Variants in IWS1 observed in about 807,000 individuals in gnomAD.
The protein encoded by IWS1 is interacts with SUPT6H, CTD assembly factor 1, also known as protein IWS1 homolog.
IWS1 carries 27 observed loss-of-function variants against 86.7 expected under a neutral mutation model. That is an observed-to-expected ratio of 0.31 (90% CI 0.23 to 0.43). The LOEUF is 0.43. Ranked by LOEUF, IWS1 falls within the 20% of genes least tolerant of loss-of-function variation. The pLI is 1.00. For missense variants in IWS1, 827 were observed against 1,000.8 expected (o/e 0.83, Z 2.34); for synonymous variants, 313 against 335.1 (o/e 0.93, Z 0.72).
intron 4 of IWS1, 114 bp downstream of exon 4, chr2:127,503,273 A>G: frequency 1.3e-6 from 1 of 746,950 alleles, no homozygotes; most frequent in Non-Finnish European, 2.2e-6. Context: ...CAGGAACTAA[A>G]ATACTAAATC....
intron 2 of IWS1, among the ~76,000 whole-genome samples, chr2:127,513,536 A>C (rs1344683725): frequency 6.6e-6 from 1 of 152,188 alleles, no homozygotes; most frequent in Non-Finnish European, 1.5e-5. Flanking sequence ...ATTTTTTAGT[A>C]AGGGAATATA....
At chr2:127,494,336 T>C (rs988162459) in intron 8 of IWS1, 1 of 149,844 alleles carries the variant, frequency 6.7e-6, no homozygotes, top group Non-Finnish European at 1.5e-5. Flanking sequence ...GAAGGATCAA[T>C]AATTGTGACA....
chr2:127,481,315 G>A (rs982990653), intron 13 of IWS1, 140 bp from the exon 14 acceptor site: 1 of 661,356 alleles, frequency 1.5e-6, no homozygotes, highest in Non-Finnish European at 2.4e-6. Context: ...ATGACCTCAA[G>A]AACAACAAAG....
At chr2:127,517,329 C>T (rs1691829794) in intron 2 of IWS1, among the ~76,000 whole-genome samples, 1 of 152,166 alleles carries the variant, frequency 6.6e-6, no homozygotes, top group Non-Finnish European at 1.5e-5. Context: ...GACTCATACT[C>T]TCCAATATCA....
intron 2 of IWS1, among the ~76,000 whole-genome samples, chr2:127,506,165 C>A (rs1478683054): frequency 6.6e-6 from 1 of 152,072 alleles, no homozygotes; most frequent in Non-Finnish European, 1.5e-5. Context: ...GTCAGGAGTT[C>A]GAGACCAGCC....
chr2:127,493,479 A>G (rs1690341598), intron 8 of IWS1, 69 bp from the exon 9 acceptor site: 4 of 1,402,810 alleles, frequency 2.9e-6, no homozygotes, highest in Non-Finnish European at 3.8e-6. Context: ...CTTTTCTTAC[A>G]TATTTAGTGA....
Position 127,494,962 on chromosome 2 carries a change from GA to G in IWS1, c.1717-9del, listed in dbSNP as rs556060487. ...GTTCAACTGTCTGTCTTCCTATTCA[GA>G]AAAAAAATAAAGATTTTTTTTTAAA... On this transcript the variant is annotated splice_polypyrimidine_tract_variant and intron_variant, in intron 7 of 13. Transcript: ENST00000295321. 1.3e-3 allele frequency: 1,949 copies of G among 1,532,922 alleles called. 2 individuals are homozygous for G. Among genetic ancestry groups the G allele is most frequent in the Non-Finnish European group, 1.5e-3 (1,712 of 1,134,030 alleles). 95.0% of individuals were successfully genotyped at this position (1,532,922 alleles called of 1,614,324 possible).
At chr2:127,503,318 T>C in intron 4 of IWS1, 69 bp downstream of exon 4, 2 of 1,167,036 alleles carry the variant, frequency 1.7e-6, no homozygotes, top group Non-Finnish European at 2.5e-6. Flanking sequence ...ACATATTGTA[T>C]TATAACACAG....
At chr2:127,511,648 T>C (rs1691459809) in intron 2 of IWS1, among the ~76,000 whole-genome samples, 1 of 152,144 alleles carries the variant, frequency 6.6e-6, no homozygotes. Context: ...GGCTATTCTG[T>C]AAAAATGTAT....
chr2:127,526,511 G>A, upstream of IWS1: 1 of 1,486,698 alleles, frequency 6.7e-7, no homozygotes, highest in Non-Finnish European at 9.0e-7. Context: ...TCAAAGGAAT[G>A]CAGCGCGCAG....
At chr2:127,522,298 G>A (rs1214975106) in intron 2 of IWS1, among the ~76,000 whole-genome samples, 2 of 152,080 alleles carry the variant, frequency 1.3e-5, no homozygotes, top group East Asian at 1.9e-4. Context: ...TGGTTCAAAT[G>A]TCACTTTCTT....
At chr2:127,513,927 G>C (rs1374425256) in intron 2 of IWS1, among the ~76,000 whole-genome samples, 1 of 152,180 alleles carries the variant, frequency 6.6e-6, no homozygotes, top group Non-Finnish European at 1.5e-5. Flanking sequence ...CAAATTCCTA[G>C]GCAGATAGGG....
intron 2 of IWS1, among the ~76,000 whole-genome samples, chr2:127,508,380 T>C (rs1691260055): frequency 1.3e-5 from 2 of 152,120 alleles, no homozygotes; most frequent in African/African-American, 2.4e-5. Flanking sequence ...ACAACAGGCA[T>C]GTTTGCATGC....
At chr2:127,520,262 G>T (rs565664741) in intron 2 of IWS1, among the ~76,000 whole-genome samples, 1 of 151,994 alleles carries the variant, frequency 6.6e-6, no homozygotes, top group African/African-American at 2.4e-5. Context: ...TCCACCTCCC[G>T]GGTTCAAGAG....
intron 6 of IWS1, among the ~76,000 whole-genome samples, chr2:127,496,930 T>C (rs1458763232): frequency 6.6e-6 from 1 of 152,222 alleles, no homozygotes; most frequent in Non-Finnish European, 1.5e-5. Context: ...AATACCATTG[T>C]GTTACCACTG....
chr2:127,489,540 A>C lies in IWS1; in HGVS notation c.2159+292T>G, dbSNP rs1364406004. 4 of 505,028 alleles carry C rather than the reference A, an allele frequency of 7.9e-6. No individual in the cohort carries two copies. Among genetic ancestry groups the C allele is most frequent in the African/African-American group, 2.0e-5 (1 of 51,266 alleles). The allele number at this position is 505,028 out of a possible 1,614,324, so 31.3% of individuals were successfully genotyped here. On this transcript the variant is annotated intron_variant, in intron 11 of 13. Coordinates refer to ENST00000295321, the MANE Select transcript of IWS1 (RefSeq NM_017969.3). This position sits in a 1 kb window ranked among gnomAD's most constrained non-coding sequence, Gnocchi z 4.8. ...AACATTTTTTCTTCTAGGAACTCGGAAACGGGACCCAGAAAGTTGTTTTCT... is the reference window on the plus strand; with the variant it reads ...AACATTTTTTCTTCTAGGAACTCGGCAACGGGACCCAGAAAGTTGTTTTCT...
chr2:127,495,922 T>C (rs2104678712), intron 7 of IWS1, 76 bp downstream of exon 7: 1 of 1,295,162 alleles, frequency 7.7e-7, no homozygotes, highest in Non-Finnish European at 1.0e-6. Context: ...AGTTTAAGGG[T>C]TAAGTATCAA....
intron 2 of IWS1, chr2:127,511,275 T>G (rs1691437444): frequency 6.6e-6 from 1 of 152,232 alleles, no homozygotes; most frequent in Non-Finnish European, 1.5e-5. Context: ...TTTTCTACTA[T>G]GTGATCAAAG....
rs147689535 is a variant in IWS1, at chr2:127,513,441, T to C, written c.151-7689A>G. ...TTGAGAAATCTAAACTGCAATACCT[T>C]TTCTTCAAATTTAAGAAACTATCTT... On this transcript the variant is annotated intron_variant, in intron 2 of 13. Coordinates refer to ENST00000295321, the MANE Select transcript of IWS1 (RefSeq NM_017969.3). Among the ~76,000 whole-genome samples, 1,445 of 152,294 alleles carry C rather than the reference T, an allele frequency of 9.5e-3. 16 individuals carry two copies. Among genetic ancestry groups the C allele is most frequent in the African/African-American group, 0.033 (1,372 of 41,562 alleles).
Sources: allele counts gnomAD v4.1 joint callset (sites outside exome capture counted in the v4.1 genomes callset), GRCh38; gene constraint gnomAD v4.1.1; non-coding constraint Gnocchi (gnomAD v3.1); transcripts MANE v1.5; gene names NCBI Gene and HGNC (gene_info 2026-07-23, HGNC 2026-07-21).